Variants in AFG2B observed in about 807,000 individuals in gnomAD.
AFG2B encodes ATPase family gene 2 protein homolog B.
the AFG2B span, among the ~76,000 whole-genome samples, chr15:45,420,169 T>C: frequency 2.0e-5 from 3 of 152,244 alleles, no homozygotes; most frequent in African/African-American, 4.8e-5. Context: ...TAGTTTTGTG[T>C]GTAGCATAGT....
the AFG2B span, chr15:45,402,649 C>T: frequency 1.3e-6 from 2 of 1,578,464 alleles, no homozygotes; most frequent in Non-Finnish European, 8.6e-7. Flanking sequence ...CTTTGTGCAG[C>T]TGGACCCGCT....
At chr15:45,421,366 G>A in the AFG2B span, 1 of 467,908 alleles carries the variant, frequency 2.1e-6, no homozygotes, top group Non-Finnish European at 3.6e-6. Flanking sequence ...ATAAGCTAAG[G>A]CTCATTTATT....
the AFG2B span, among the ~76,000 whole-genome samples, chr15:45,418,856 G>T: frequency 6.6e-6 from 1 of 152,116 alleles, no homozygotes; most frequent in African/African-American, 2.4e-5. Context: ...TGAGGAGGGT[G>T]GTGCAGAGAG....
chr15:45,411,519 T>C, the AFG2B span, among the ~76,000 whole-genome samples: 3 of 152,168 alleles, frequency 2.0e-5, no homozygotes, highest in Admixed American at 2.0e-4. Context: ...AGTCCCACTG[T>C]GCTACTCAAG....
chr15:45,408,909 C>G, the AFG2B span, among the ~76,000 whole-genome samples: 3 of 152,034 alleles, frequency 2.0e-5, no homozygotes, highest in Non-Finnish European at 4.4e-5. Context: ...ACTTTTACTC[C>G]CCTCAACATA....
chr15:45,410,329 T>C, the AFG2B span: 1 of 1,592,384 alleles, frequency 6.3e-7, no homozygotes, highest in Non-Finnish European at 8.6e-7. Context: ...AAGACCAACC[T>C]AATTTTTGGT....
chr15:45,403,014 G>A, the AFG2B span: 2 of 1,584,686 alleles, frequency 1.3e-6, no homozygotes, highest in Non-Finnish European at 8.5e-7. Flanking sequence ...CGGAAGCCCA[G>A]CCGCAGCCCG....
At chr15:45,418,574 A>G in the AFG2B span, 1 of 1,604,414 alleles carries the variant, frequency 6.2e-7, no homozygotes, top group Non-Finnish European at 8.5e-7. Flanking sequence ...TTTCTATTTT[A>G]AAAGTCTGTA....
the AFG2B span, chr15:45,407,132 A>G: frequency 7.8e-7 from 1 of 1,288,550 alleles, no homozygotes; most frequent in Non-Finnish European, 1.0e-6. Flanking sequence ...GCTCAGGTGT[A>G]GTTACCACAG....
the AFG2B span, chr15:45,418,684 T>G: frequency 6.3e-6 from 10 of 1,598,328 alleles, no homozygotes; most frequent in Non-Finnish European, 7.7e-6. Flanking sequence ...TGCACAGAAG[T>G]AAGTTAATTA....
At chr15:45,404,932 G>A in the AFG2B span, among the ~76,000 whole-genome samples, 1 of 151,618 alleles carries the variant, frequency 6.6e-6, no homozygotes, top group Non-Finnish European at 1.5e-5. Context: ...CATGTTTTGG[G>A]GTACATGTGA....
At chr15:45,413,708 A>G in the AFG2B span, among the ~76,000 whole-genome samples, 11 of 152,128 alleles carry the variant, frequency 7.2e-5, no homozygotes, top group Non-Finnish European at 1.3e-4. Flanking sequence ...AGTGCAGACT[A>G]AAGCTTTCAA....
the AFG2B span, among the ~76,000 whole-genome samples, chr15:45,408,032 G>GA: frequency 6.6e-6 from 1 of 152,110 alleles, no homozygotes; most frequent in Admixed American, 6.5e-5. Flanking sequence ...GTCAGACTAG[G>GA]AAAAATACTT....
the AFG2B span, chr15:45,403,404 G>A: frequency 1.2e-6 from 2 of 1,610,374 alleles, no homozygotes; most frequent in Non-Finnish European, 1.7e-6. Context: ...TGGCCCAGGT[G>A]TTGACGCTGC....
At chr15:45,403,474 G>A in the AFG2B span, 6 of 1,607,440 alleles carry the variant, frequency 3.7e-6, no homozygotes, top group African/African-American at 2.7e-5. Context: ...CCGGCCGGAC[G>A]CTCTAGACCC....
chr15:45,404,458 C>T, the AFG2B span, among the ~76,000 whole-genome samples: 11 of 151,274 alleles, frequency 7.3e-5, no homozygotes, highest in African/African-American at 2.7e-4. Flanking sequence ...GTGCACGGTA[C>T]TAGTTCCAAA....
chr15:45,420,878 G>A, the AFG2B span, among the ~76,000 whole-genome samples: 1 of 152,156 alleles, frequency 6.6e-6, no homozygotes, highest in Non-Finnish European at 1.5e-5. Flanking sequence ...TGTAATCCCA[G>A]CTACTTGGGA....
chr15:45,418,142 G>A, the AFG2B span, among the ~76,000 whole-genome samples: 29 of 151,798 alleles, frequency 1.9e-4, no homozygotes, highest in African/African-American at 5.8e-4. Flanking sequence ...TCAGGAGTTC[G>A]AGACTAGCCT....
At chr15:45,418,763 T>C in the AFG2B span, 1 of 1,545,210 alleles carries the variant, frequency 6.5e-7, no homozygotes, top group Non-Finnish European at 8.8e-7. Flanking sequence ...CAGTATTTAC[T>C]AAAAGCCTGT....
Sources: gnomAD v4.1 joint callset for allele counts (sites outside exome capture counted in the v4.1 genomes callset) on GRCh38, gnomAD v4.1.1 for gene constraint, MANE v1.5 for transcripts, NCBI Gene and HGNC (gene_info 2026-07-23, HGNC 2026-07-21) for gene names.